Variants in KCNQ1 observed in about 807,000 individuals in gnomAD.
The protein encoded by KCNQ1 is potassium voltage-gated channel subfamily Q member 1.
KCNQ1 carries 49 observed loss-of-function variants against 72.4 expected under a neutral mutation model. The observed-to-expected ratio is 0.68, with a 90% confidence interval of 0.54 to 0.86. The LOEUF is 0.86. Among genes scored for constraint, KCNQ1 ranks in the 40% least tolerant of loss-of-function variants. The pLI is 0.00. For synonymous variants in KCNQ1, 450 were observed against 412.6 expected, an observed-to-expected ratio of 1.09 and a Z score of -1.10; for missense variants, 790 against 945.1, an observed-to-expected ratio of 0.84 and a Z score of 2.15.
rs1458878590 is a variant in KCNQ1 at position 2,602,013 on chromosome 11, C to T, written c.1393+13159C>T. 2.6e-5 allele frequency among the ~76,000 whole-genome samples: 4 copies of T among 152,082 alleles called. No homozygotes were observed. The highest frequency in any genetic ancestry group is 6.6e-5 in the Admixed American group (1 of 15,262). On this transcript the variant is annotated intron_variant, in intron 10 of 15. Coordinates refer to ENST00000155840, the MANE Select transcript of KCNQ1 (RefSeq NM_000218.3). This position sits in a 1 kb window ranked among gnomAD's most constrained non-coding sequence, Gnocchi z 4.8. ...TCATCCTGGGTTATCTGAATGGGCC[C>T]GGTGTAATCACAAGGGTCCTTATAA...
chr11:2,826,226 A>G lies in KCNQ1; in HGVS notation c.1795-21541A>G, dbSNP rs1227555682. Among the ~76,000 whole-genome samples, 1 of 152,162 alleles carries G rather than the reference A, an allele frequency of 6.6e-6. No individual in the cohort carries two copies. The highest frequency in any genetic ancestry group is 1.5e-5 in the Non-Finnish European group (1 of 68,032). On this transcript the variant is annotated intron_variant, in intron 15 of 15. Coordinates refer to ENST00000155840, the MANE Select transcript of KCNQ1 (RefSeq NM_000218.3). This position sits in a 1 kb window ranked among gnomAD's most constrained non-coding sequence, Gnocchi z 4.2. ...CATGTCAGCTGCATTTTAAGGCTACATTTCACGTCAGCTGTGACTTGGAAG... is the reference window on the plus strand; with the variant it reads ...CATGTCAGCTGCATTTTAAGGCTACGTTTCACGTCAGCTGTGACTTGGAAG...
At chr11:2,461,371 G>A (rs1419797524) in intron 1 of KCNQ1, 5 of 1,209,184 alleles carry the variant, frequency 4.1e-6, no homozygotes, top group Non-Finnish European at 1.1e-6. Flanking sequence ...GTCCGGGAAG[G>A]GAACCTTGAG....
chr11:2,656,795 T>C (rs1386282422), intron 10 of KCNQ1: 3 of 398,524 alleles, frequency 7.5e-6, no homozygotes, highest in African/African-American at 2.1e-5. Flanking sequence ...AATGCTGATG[T>C]CATTAAGATA....
At chr11:2,786,706 AATTATT>A (rs1193506511) in intron 15 of KCNQ1, among the ~76,000 whole-genome samples, 1 of 151,860 alleles carries the variant, frequency 6.6e-6, no homozygotes, top group Non-Finnish European at 1.5e-5. Flanking sequence ...TTTAAACTTC[AATTATT>A]ATTATTTTAT....
Position 2,559,800 on chromosome 11 carries a change from C to T in KCNQ1, c.478-10828C>T, listed in dbSNP as rs1206574389. On this transcript the variant is annotated intron_variant, in intron 2 of 15. Coordinates refer to ENST00000155840, the MANE Select transcript of KCNQ1 (RefSeq NM_000218.3). The surrounding 1 kb of genome is among the most constrained non-coding windows in gnomAD (Gnocchi z 4.9). ...GAGATGGCCGCCAGCTGTGGGAAGG[C>T]CTGTGGCTAGGGCTCTGCTGCCTGC... Among the ~76,000 whole-genome samples the T allele has an allele frequency of 3.3e-5, 5 of 152,018 alleles. No individual in the cohort carries two copies. Among genetic ancestry groups the T allele is most frequent in the African/African-American group, 1.2e-4 (5 of 41,386 alleles).
chr11:2,586,895 C>T (rs1158354068), intron 8 of KCNQ1, among the ~76,000 whole-genome samples: 1 of 152,160 alleles, frequency 6.6e-6, no homozygotes, highest in Non-Finnish European at 1.5e-5. Flanking sequence ...GCCCCTCCTG[C>T]CCATCTGGAC....
At chr11:2,646,924 T>A (rs995988059) in intron 10 of KCNQ1, 33 of 398,562 alleles carry the variant, frequency 8.3e-5, no homozygotes, top group Non-Finnish European at 1.1e-4. Context: ...TATAAGATTA[T>A]GCCATCTGCA....
rs1848126768 is a variant in KCNQ1, at chr11:2,559,455, G to A, written c.478-11173G>A. Among the ~76,000 whole-genome samples, 1 of 152,192 alleles carries A rather than the reference G, an allele frequency of 6.6e-6. No homozygotes were observed. Among genetic ancestry groups the A allele is most frequent in the African/African-American group, 2.4e-5 (1 of 41,444 alleles). On this transcript the variant is annotated intron_variant, in intron 2 of 15. Transcript: ENST00000155840. The surrounding 1 kb of genome is among the most constrained non-coding windows in gnomAD (Gnocchi z 4.9). ...CCAGCCCCTGTGGTTTTAGCCTCCT[G>A]AGAGTCTCCCCAGACAGCCCACAGG... is the stretch of plus-strand genomic sequence containing the variant.
Position 2,822,526 on chromosome 11 carries a change from T to C in KCNQ1, c.1795-25241T>C, listed in dbSNP as rs1328834261. Among the ~76,000 whole-genome samples the C allele has an allele frequency of 2.0e-5, 3 of 152,212 alleles. No individual in the cohort carries two copies. The South Asian group carries it at 6.2e-4, about 32-fold the overall frequency. On this transcript the variant is annotated intron_variant, in intron 15 of 15. Transcript: ENST00000155840. The stretch of plus-strand genomic sequence containing the variant: ...AAGGCTACATAATAAGTTGTGAGCC[T>C]ACCTAGGGTATTAGCAGAGGTGTCC...
chr11:2,705,776 CCATCCCTGT>C (rs1180508106), intron 11 of KCNQ1, among the ~76,000 whole-genome samples: 2 of 152,216 alleles, frequency 1.3e-5, no homozygotes, highest in African/African-American at 4.8e-5. Flanking sequence ...ACAAAAAGCC[CCATCCCTGT>C]CGCTCTGGTG....
At chr11:2,480,952 G>A (rs932215280) in intron 1 of KCNQ1, among the ~76,000 whole-genome samples, 10 of 152,170 alleles carry the variant, frequency 6.6e-5, no homozygotes, top group African/African-American at 1.4e-4. Flanking sequence ...TGTAGAAACC[G>A]CAGGCAAGTC....
At chr11:2,697,339 C>T (rs1037335305) in intron 11 of KCNQ1, 3 of 398,620 alleles carry the variant, frequency 7.5e-6, no homozygotes, top group Non-Finnish European at 1.3e-5. Context: ...CTATGAGCTA[C>T]ACTAAGTTTT....
At chr11:2,521,796 C>T (rs763024559) in intron 1 of KCNQ1, among the ~76,000 whole-genome samples, 4 of 152,276 alleles carry the variant, frequency 2.6e-5, no homozygotes, top group Non-Finnish European at 5.9e-5. Context: ...CCGGCACAGC[C>T]CCCACCCGGA....
At chr11:2,776,875 G>A (rs1427192912) in intron 13 of KCNQ1, 111 bp from the exon 14 acceptor site, 2 of 1,071,650 alleles carry the variant, frequency 1.9e-6, no homozygotes, top group African/African-American at 1.6e-5. Context: ...CAGAGTGGGT[G>A]GACAGTCCAC....
At chr11:2,662,701 A>G (rs180983354) in intron 11 of KCNQ1, 2 of 402,532 alleles carry the variant, frequency 5.0e-6, no homozygotes, top group Non-Finnish European at 8.8e-6. Flanking sequence ...ACAGCCGTGC[A>G]GCGGGGTCAG....
rs1846132301 is a variant in KCNQ1 at position 2,745,902 on chromosome 11, T to G, written c.1515-22942T>G. On this transcript the variant is annotated intron_variant, in intron 11 of 15. Transcript: ENST00000155840. The surrounding 1 kb of genome is among the most constrained non-coding windows in gnomAD (Gnocchi z 6.2). ...TTGGTTTTTGTTTTGTTTTGTTTTG[T>G]TTTTTGAGATGGAGTCTCATTCTGT... Among the ~76,000 whole-genome samples the G allele has an allele frequency of 6.6e-6, 1 of 152,214 alleles. No homozygotes were observed. The highest frequency in any genetic ancestry group is 6.5e-5 in the Admixed American group (1 of 15,290).
At chr11:2,529,845 C>T (rs908494967) in intron 2 of KCNQ1, among the ~76,000 whole-genome samples, 2 of 152,066 alleles carry the variant, frequency 1.3e-5, no homozygotes, top group African/African-American at 2.4e-5. Flanking sequence ...GGCTGCCAGG[C>T]GGGGGGTGCG....
rs1386784087 is a variant in KCNQ1 at position 2,723,904 on chromosome 11, G to A, written c.1515-44940G>A. Reference sequence around the variant, plus strand: ...CGGGACGAGGAAGTCACACGTTGGGGGATGTGCCGCAGGGATGGGGCATCT... The same window carrying A: ...CGGGACGAGGAAGTCACACGTTGGGAGATGTGCCGCAGGGATGGGGCATCT... On this transcript the variant is annotated intron_variant, in intron 11 of 15. Coordinates refer to ENST00000155840, the MANE Select transcript of KCNQ1 (RefSeq NM_000218.3). The surrounding 1 kb of genome is among the most constrained non-coding windows in gnomAD (Gnocchi z 4.2). 6.6e-6 allele frequency among the ~76,000 whole-genome samples: 1 copy of A among 152,212 alleles called. No homozygotes were observed. The highest frequency in any genetic ancestry group is 2.4e-5 in the African/African-American group (1 of 41,458).
intron 11 of KCNQ1, chr11:2,688,111 T>C (rs896167160): frequency 1.0e-5 from 4 of 398,446 alleles, no homozygotes; most frequent in African/African-American, 4.1e-5. Context: ...GGGGACCTGG[T>C]GGGGGTGGGG....
Sources: allele counts gnomAD v4.1 joint callset (sites outside exome capture counted in the v4.1 genomes callset), GRCh38; gene constraint gnomAD v4.1.1; non-coding constraint Gnocchi (gnomAD v3.1); transcripts MANE v1.5; gene names NCBI Gene and HGNC (gene_info 2026-07-23, HGNC 2026-07-21).